The following SAMD4A variants were observed in gnomAD, a reference collection of about 807,000 sequenced individuals.
SAMD4A encodes the protein protein Smaug homolog 1.
A neutral mutation model predicts 81.3 loss-of-function variants in SAMD4A; 33 were observed. The ratio of observed to expected loss-of-function variants is 0.41; its 90% CI spans 0.31 to 0.54. The LOEUF is 0.54. SAMD4A is among the 20% of genes least tolerant of loss of function. The pLI, the probability that SAMD4A is intolerant of heterozygous loss-of-function variation, is 0.37. For missense variants in SAMD4A, 854 were observed against 951.1 expected (o/e 0.90, Z 1.34); for synonymous variants, 389 against 382.1 (o/e 1.02, Z -0.21).
chr14:54,658,811 C>A (rs1391796255), intron 2 of SAMD4A, among the ~76,000 whole-genome samples: 2 of 152,352 alleles, frequency 1.3e-5, no homozygotes, highest in Non-Finnish European at 2.9e-5. Context: ...TTACTCTTCA[C>A]CCTCTTGCAT....
intron 5 of SAMD4A, 58 bp downstream of exon 5, chr14:54,748,982 A>G: frequency 1.6e-6 from 2 of 1,260,092 alleles, no homozygotes; most frequent in South Asian, 2.6e-5. Context: ...CCTGAAGTTC[A>G]AGGCCTGGAC....
At chr14:54,593,600 A>G (rs1033574012) in intron 2 of SAMD4A, among the ~76,000 whole-genome samples, 8 of 152,202 alleles carry the variant, frequency 5.3e-5, no homozygotes, top group African/African-American at 7.2e-5. Context: ...TCTTTACCCT[A>G]TGGAAAATGA....
intron 9 of SAMD4A, among the ~76,000 whole-genome samples, chr14:54,770,666 G>C (rs2038679205): frequency 6.6e-6 from 1 of 152,246 alleles, no homozygotes; most frequent in Non-Finnish European, 1.5e-5. Context: ...GCAGGGTGAA[G>C]AGCCCAGTGC....
chr14:54,681,117 G>A (rs1325104190), intron 2 of SAMD4A, among the ~76,000 whole-genome samples: 3 of 152,192 alleles, frequency 2.0e-5, no homozygotes, highest in Admixed American at 6.5e-5. Context: ...GCAGTGAACC[G>A]ATGGGGGACC....
chr14:54,570,732 T>C (rs997505688), intron 2 of SAMD4A, among the ~76,000 whole-genome samples: 1 of 152,230 alleles, frequency 6.6e-6, no homozygotes, highest in Non-Finnish European at 1.5e-5. Flanking sequence ...ATAATACATT[T>C]TTAGATACAC....
chr14:54,763,753 C>T (rs1487044587), intron 7 of SAMD4A, among the ~76,000 whole-genome samples: 2 of 152,150 alleles, frequency 1.3e-5, no homozygotes, highest in African/African-American at 2.4e-5. Context: ...GGGGAATCGT[C>T]ACCTCTACAA....
chr14:54,708,074 C>G (rs1418501795), intron 3 of SAMD4A, among the ~76,000 whole-genome samples: 1 of 152,128 alleles, frequency 6.6e-6, no homozygotes, highest in African/African-American at 2.4e-5. Flanking sequence ...ATAGATAGGG[C>G]AAGGACAGAA....
intron 3 of SAMD4A, among the ~76,000 whole-genome samples, chr14:54,724,609 G>C (rs1201755921): frequency 6.6e-6 from 1 of 152,128 alleles, no homozygotes; most frequent in Non-Finnish European, 1.5e-5. Flanking sequence ...GTTGCATTTG[G>C]GAAAACAGCA....
intron 2 of SAMD4A, among the ~76,000 whole-genome samples, chr14:54,658,906 TG>T (rs1196170563): frequency 5.9e-5 from 9 of 152,146 alleles, no homozygotes; most frequent in Non-Finnish European, 1.2e-4. Context: ...CCACGCTTTG[TG>T]GGGGGCAGAA....
rs868476288 is a variant in SAMD4A, at chr14:54,712,750, C to T, written c.715+10170C>T. Among the ~76,000 whole-genome samples the T allele has an allele frequency of 2.6e-5, 4 of 152,314 alleles. No individual in the cohort carries two copies. In the South Asian group the frequency reaches 8.3e-4, roughly 32 times the overall value. On this transcript the variant is annotated intron_variant, in intron 3 of 12. Transcript: ENST00000554335. ...AAAAGCCAGAGACCTCCATGGGCTG[C>T]ATGCACCTTGGGTCATGAGGCTGTG...
intron 4 of SAMD4A, among the ~76,000 whole-genome samples, chr14:54,745,796 C>T (rs1381439498): frequency 6.6e-6 from 1 of 152,172 alleles, no homozygotes; most frequent in African/African-American, 2.4e-5. Context: ...GGAAGCCAAA[C>T]AGGTGTGTGC....
At position 54,568,074 on chromosome 14, in the gene SAMD4A, C is replaced by G; in HGVS notation, c.158C>G (p.Ala53Gly). ...LCLEHSLADC[A>G]ELHVLEREAN... ...CTGGAGCACTCGCTGGCCGACTGCG[C>G]CGAGCTGCACGTCCTCGAACGCGAG... Residue 53 changes from alanine to glycine, a missense_variant, in exon 2 of 13, where the codon GCC becomes GGC. Physicochemically the swap from Ala to Gly is moderately conservative, Grantham distance 60. Transcript: ENST00000554335. 1 of 1,580,562 alleles carries G rather than the reference C, an allele frequency of 6.3e-7. No individual in the cohort carries two copies. Among genetic ancestry groups the G allele is most frequent in the Non-Finnish European group, 8.5e-7 (1 of 1,171,062 alleles).
chr14:54,607,340 T>C (rs1389435230), intron 2 of SAMD4A, among the ~76,000 whole-genome samples: 1 of 152,028 alleles, frequency 6.6e-6, no homozygotes, highest in Non-Finnish European at 1.5e-5. Flanking sequence ...GGAAAATGCC[T>C]CTAGTCAGGA....
chr14:54,729,474 A>G (rs755124730), intron 3 of SAMD4A, among the ~76,000 whole-genome samples: 2 of 152,106 alleles, frequency 1.3e-5, no homozygotes, highest in Admixed American at 6.5e-5. Flanking sequence ...AAAAAGAAAT[A>G]TCGGCTTAAA....
At chr14:54,674,313 T>A (rs1283150098) in intron 2 of SAMD4A, among the ~76,000 whole-genome samples, 1 of 152,264 alleles carries the variant, frequency 6.6e-6, no homozygotes, top group Admixed American at 6.5e-5. Flanking sequence ...TCCTTTAAGT[T>A]GCTTTTTGCT....
chr14:54,661,704 ATGTT>A (rs2035645820), intron 2 of SAMD4A, among the ~76,000 whole-genome samples: 1 of 152,134 alleles, frequency 6.6e-6, no homozygotes, highest in South Asian at 2.1e-4. Context: ...CGGATATCTG[ATGTT>A]TGTTGCAAAA....
chr14:54,590,320 C>G (rs750589832), intron 2 of SAMD4A, among the ~76,000 whole-genome samples: 2 of 152,120 alleles, frequency 1.3e-5, no homozygotes, highest in Non-Finnish European at 2.9e-5. Context: ...GAGACTTCAT[C>G]TCTACGGAAA....
intron 2 of SAMD4A, among the ~76,000 whole-genome samples, chr14:54,648,630 T>A (rs2035336035): frequency 6.6e-6 from 1 of 152,124 alleles, no homozygotes; most frequent in Non-Finnish European, 1.5e-5. Flanking sequence ...TCAGTGTGAC[T>A]GGAATGGATT....
At chr14:54,655,550 G>C (rs2035500741) in intron 2 of SAMD4A, among the ~76,000 whole-genome samples, 2 of 150,238 alleles carry the variant, frequency 1.3e-5, no homozygotes. Flanking sequence ...CGACCAACAT[G>C]GAAAAACCCC....
Sources: allele counts gnomAD v4.1 joint callset (sites outside exome capture counted in the v4.1 genomes callset), GRCh38; gene constraint gnomAD v4.1.1; transcripts MANE v1.5; gene names NCBI Gene and HGNC (gene_info 2026-07-23, HGNC 2026-07-21).